PAK3: variants seen among roughly 807,000 people sequenced by gnomAD.
The protein encoded by PAK3 is p21 (RAC1) activated kinase 3.
Under a neutral mutation model 41.0 loss-of-function variants are expected in PAK3, and 4 were observed. The observed-to-expected ratio is 0.10, with a 90% CI of 0.05 to 0.22. The LOEUF (loss-of-function observed/expected upper bound fraction) is 0.22. Among genes scored for constraint, PAK3 ranks in the 10% least tolerant of loss-of-function variants. The pLI, the probability that PAK3 is intolerant of heterozygous loss-of-function variation, is 1.00. For synonymous variants in PAK3, 146 were observed against 139.6 expected (o/e 1.05, Z -0.32); for missense variants, 205 against 409.9 (o/e 0.50, Z 4.32).
chrX:111,011,577 C>A (rs1210634980), intron 1 of PAK3, among the ~76,000 whole-genome samples: 2 of 112,341 alleles, frequency 1.8e-5, no homozygotes, highest in Non-Finnish European at 3.8e-5. Flanking sequence ...ACATATCATT[C>A]TTTTAAAGAA....
chrX:111,107,053 C>G (rs1392216560), intron 4 of PAK3, among the ~76,000 whole-genome samples: 1 of 112,159 alleles, frequency 8.9e-6, no homozygotes. Flanking sequence ...GCTTAACTTG[C>G]TACCTCATTT....
chrX:111,185,153 A>G (rs780347886), intron 11 of PAK3, among the ~76,000 whole-genome samples: 2 of 112,113 alleles, frequency 1.8e-5, no homozygotes, highest in East Asian at 5.6e-4. Context: ...ACCAGTGATG[A>G]TGAGCTTTTT....
intron 1 of PAK3, among the ~76,000 whole-genome samples, chrX:111,019,706 AAG>A (rs1491062330): frequency 5.9e-5 from 2 of 33,779 alleles, no homozygotes; most frequent in African/African-American, 7.4e-5. Flanking sequence ...AAAAAAAAGA[AAG>A]AAAGAAAAGA....
intron 1 of PAK3, among the ~76,000 whole-genome samples, chrX:110,963,087 T>A (rs1353464347): frequency 1.8e-5 from 2 of 112,481 alleles, no homozygotes; most frequent in Non-Finnish European, 3.8e-5. Flanking sequence ...GCACTATCCC[T>A]GGTCAGCATC....
rs149063219 is a variant in PAK3, at chrX:110,950,417, T to C, written c.-28+5789T>C. Among the ~76,000 whole-genome samples the C allele has an allele frequency of 3.3e-3, 372 of 112,345 alleles. 13 individuals carry two copies. The East Asian group carries it at 0.08, about 24-fold the overall frequency. On this transcript the variant is annotated intron_variant, in intron 1 of 14. Transcript: ENST00000425146. ...GACATCTAGTTATTTCATTCTTGTT[T>C]TTAAATTTTACTTTAAGTTCTGGGA...
At chrX:111,113,336 T>C (rs1036770148) in intron 4 of PAK3, among the ~76,000 whole-genome samples, 1 of 111,644 alleles carries the variant, frequency 9.0e-6, no homozygotes, top group East Asian at 2.8e-4. Context: ...GATAGAGATG[T>C]GTCTTTATTC....
intron 4 of PAK3, among the ~76,000 whole-genome samples, chrX:111,116,331 A>G (rs1357564284): frequency 1.8e-5 from 2 of 110,834 alleles, no homozygotes; most frequent in African/African-American, 6.6e-5. Flanking sequence ...TATGGATCTT[A>G]TTTTCTCTTT....
intron 16 of PAK3, among the ~76,000 whole-genome samples, chrX:111,214,593 T>C (rs886504195): frequency 9.0e-6 from 1 of 111,709 alleles, no homozygotes; most frequent in Non-Finnish European, 1.9e-5. Flanking sequence ...CCCCTGCCCA[T>C]ATTTACTGAA....
intron 16 of PAK3, among the ~76,000 whole-genome samples, chrX:111,204,878 G>GTTTTTT (rs1163687252): frequency 8.2e-4 from 31 of 37,667 alleles, no homozygotes; most frequent in African/African-American, 1.0e-3. Flanking sequence ...CCTTTGCTTT[G>GTTTTTT]TTTTTTTTTT....
intron 5 of PAK3, among the ~76,000 whole-genome samples, chrX:111,136,716 T>C (rs1012492205): frequency 1.5e-4 from 17 of 111,771 alleles, no homozygotes; most frequent in African/African-American, 5.5e-4. Flanking sequence ...ATAACAAGGT[T>C]GAATATTGCA....
intron 5 of PAK3, among the ~76,000 whole-genome samples, chrX:111,139,182 C>T (rs1157055222): frequency 1.8e-5 from 2 of 110,997 alleles, no homozygotes; most frequent in African/African-American, 3.3e-5. Context: ...ATATACAAAA[C>T]TTGATGATGA....
chrX:111,215,032 C>T (rs191685524), intron 16 of PAK3, among the ~76,000 whole-genome samples: 16 of 111,559 alleles, frequency 1.4e-4, no homozygotes, highest in Non-Finnish European at 1.3e-4. Flanking sequence ...GTGTAAACTA[C>T]TTCATCCTTG....
At chrX:111,053,645 C>T (rs1330422111) in intron 1 of PAK3, among the ~76,000 whole-genome samples, 2 of 110,824 alleles carry the variant, frequency 1.8e-5, no homozygotes, top group African/African-American at 6.6e-5. Context: ...AGCTGTCTGC[C>T]CAACTATGAC....
In PAK3 at chrX:111,226,001, A is replaced by C. The variant is rs1388318656; in HGVS notation, c.*5554A>C. ...AGACCAGCCTGACCAACATAGAGAA[A>C]CCCCATCTCTACTAAAAATACAAAA... is the stretch of plus-strand genomic sequence containing the variant. On this transcript the variant is annotated 3_prime_UTR_variant, in exon 18 of 18. Coordinates refer to ENST00000372007, the MANE Select transcript of PAK3 (RefSeq NM_002578.5). 1 of 110,686 alleles carries C rather than the reference A, an allele frequency of 9.0e-6. No homozygotes were observed. Among genetic ancestry groups the C allele is most frequent in the African/African-American group, 3.3e-5 (1 of 30,443 alleles). The allele number at this position is 110,686 out of a possible 1,213,427, so 9.1% of individuals were successfully genotyped here.
At chrX:111,163,760 C>T (rs772007117) in intron 10 of PAK3, 33 bp downstream of exon 10, 42 of 1,068,192 alleles carry the variant, frequency 3.9e-5, no homozygotes, top group Non-Finnish European at 5.2e-5. Flanking sequence ...ACTTTCTACA[C>T]GGGAGTGTTT....
chrX:111,224,662 T>G lies in PAK3; in HGVS notation c.*4215T>G, dbSNP rs781258636. The G allele has an allele frequency of 7.1e-5, 8 of 112,237 alleles. No homozygotes were observed. The highest frequency in any genetic ancestry group is 2.3e-4 in the African/African-American group (7 of 30,935). The allele number at this position is 112,237 out of a possible 1,213,427, so 9.2% of individuals were successfully genotyped here. On this transcript the variant is annotated 3_prime_UTR_variant, in exon 18 of 18. Coordinates refer to ENST00000372007, the MANE Select transcript of PAK3 (RefSeq NM_002578.5). ...TCTCCATGTGCTTTTTTCTGCCTAT[T>G]TATAGGTTGTTTGCAGTAGTTGTGA...
At chrX:111,134,374 G>A (rs765410614) in intron 5 of PAK3, among the ~76,000 whole-genome samples, 31 of 112,206 alleles carry the variant, frequency 2.8e-4, no homozygotes, top group African/African-American at 9.0e-4. Flanking sequence ...GGCAGACATC[G>A]ATCATCTTCT....
intron 16 of PAK3, 40 bp from the exon 17 acceptor site, chrX:111,216,381 T>C (rs1271762168): frequency 9.4e-7 from 1 of 1,067,964 alleles, no homozygotes; most frequent in South Asian, 1.9e-5. Context: ...ATGATTTTAA[T>C]ATGTATGTGC....
chrX:110,944,771 C>T (rs2090573379), intron 1 of PAK3: 2 of 112,347 alleles, frequency 1.8e-5, no homozygotes. Flanking sequence ...GGGCGAAAGG[C>T]TGGGAAGGCA....
Sources: gnomAD v4.1 joint callset for allele counts (sites outside exome capture counted in the v4.1 genomes callset) on GRCh38, gnomAD v4.1.1 for gene constraint, MANE v1.5 for transcripts, NCBI Gene and HGNC (gene_info 2026-07-23, HGNC 2026-07-21) for gene names.